Variants in EPHA6 observed in about 807,000 individuals in gnomAD.
EPHA6 encodes EPH receptor A6, also known as ephrin type-A receptor 6.
A neutral mutation model predicts 112.0 loss-of-function variants in EPHA6; 50 were observed. The observed-to-expected ratio is 0.45, with a 90% confidence interval of 0.36 to 0.56. The LOEUF (loss-of-function observed/expected upper bound fraction) is 0.56, where lower values mean the gene tolerates loss of function less well. Among genes scored for constraint, EPHA6 ranks in the 20% least tolerant of loss-of-function variants. The pLI is 0.00. For synonymous variants in EPHA6, 529 were observed against 490.7 expected, an observed-to-expected ratio of 1.08 and a Z score of -1.03; for missense variants, 1,280 against 1,417.4, an observed-to-expected ratio of 0.90 and a Z score of 1.56.
At chr3:97,393,916 A>G (rs1472197644) in intron 5 of EPHA6, among the ~76,000 whole-genome samples, 3 of 151,750 alleles carry the variant, frequency 2.0e-5, no homozygotes, top group Non-Finnish European at 4.4e-5. Flanking sequence ...TGTTATTTTT[A>G]TGGGTGAGTA....
At chr3:97,684,013 T>G (rs1006647396) in intron 14 of EPHA6, among the ~76,000 whole-genome samples, 11 of 152,144 alleles carry the variant, frequency 7.2e-5, no homozygotes, top group African/African-American at 2.7e-4. Flanking sequence ...ACTTAGGTGC[T>G]GCTTGAAAAG....
At chr3:97,243,721 T>G (rs1349166994) in intron 4 of EPHA6, among the ~76,000 whole-genome samples, 2 of 151,912 alleles carry the variant, frequency 1.3e-5, no homozygotes, top group East Asian at 3.9e-4. Context: ...TTATATTAAA[T>G]ATTGAAATTC....
intron 3 of EPHA6, among the ~76,000 whole-genome samples, chr3:97,032,211 A>G (rs2108020686): frequency 6.6e-6 from 1 of 152,078 alleles, no homozygotes; most frequent in African/African-American, 2.4e-5. Context: ...AAAACCAAAC[A>G]CCGCGTGTTC....
At chr3:96,852,349 A>G (rs1365757255) in intron 1 of EPHA6, among the ~76,000 whole-genome samples, 4 of 151,984 alleles carry the variant, frequency 2.6e-5, no homozygotes, top group Non-Finnish European at 4.4e-5. Context: ...GAATAACTTG[A>G]GCCCAGAAGG....
At chr3:97,317,409 A>G (rs1189167665) in intron 5 of EPHA6, among the ~76,000 whole-genome samples, 3 of 152,024 alleles carry the variant, frequency 2.0e-5, no homozygotes, top group African/African-American at 7.3e-5. Context: ...CTACAAAAAA[A>G]GTGTTTAATT....
chr3:97,177,930 G>T (rs80106825), intron 3 of EPHA6, among the ~76,000 whole-genome samples: 1 of 151,926 alleles, frequency 6.6e-6, no homozygotes, highest in African/African-American at 2.4e-5. Flanking sequence ...TGTTTGGAGA[G>T]TTTGGTCCAT....
Position 97,638,219 on chromosome 3 carries a change from G to C in EPHA6, c.2784+137G>C, listed in dbSNP as rs192264826. On this transcript the variant is annotated intron_variant, in intron 14 of 17. Coordinates refer to ENST00000389672, the MANE Select transcript of EPHA6 (RefSeq NM_001080448.3). ...GCTAATTTGATATCATTATTTAATTGAGAAGTATTTGCTTTGAGTGTCTAG... is the reference window on the plus strand; with the variant it reads ...GCTAATTTGATATCATTATTTAATTCAGAAGTATTTGCTTTGAGTGTCTAG... 334 of 667,038 alleles carry C rather than the reference G, an allele frequency of 5.0e-4. 1 individual carries two copies. The highest frequency in any genetic ancestry group is 6.8e-4 in the Non-Finnish European group (276 of 406,088). 41.3% of individuals were successfully genotyped at this position (667,038 alleles called of 1,614,324 possible).
chr3:97,356,769 T>C (rs536322086), intron 5 of EPHA6, among the ~76,000 whole-genome samples: 14 of 152,320 alleles, frequency 9.2e-5, no homozygotes, highest in African/African-American at 3.4e-4. Flanking sequence ...CAATTTTATA[T>C]GCTCCTGTTG....
chr3:97,448,862 A>C, intron 7 of EPHA6, 132 bp downstream of exon 7: 1 of 762,040 alleles, frequency 1.3e-6, no homozygotes, highest in Non-Finnish European at 2.2e-6. Context: ...GTAAATACTC[A>C]TACAGTCATT....
At position 97,357,941 on chromosome 3, in the gene EPHA6, AG is replaced by A. The variant is rs201960296; in HGVS notation, c.1607-47208del. The stretch of plus-strand genomic sequence containing the variant: ...TTGAGTAGGCTGAGGAGAAGAAAGA[AG>A]AGGGGATGGTCTTGCTGTCTTAGGC... On this transcript the variant is annotated intron_variant, in intron 5 of 17. Coordinates refer to ENST00000389672, the MANE Select transcript of EPHA6 (RefSeq NM_001080448.3). Among the ~76,000 whole-genome samples, 1,184 of 152,298 alleles carry A rather than the reference AG, an allele frequency of 7.8e-3. 13 individuals are homozygous for A. Among genetic ancestry groups the A allele is most frequent in the African/African-American group, 0.027 (1,130 of 41,564 alleles).
chr3:97,667,242 T>C (rs2030232123), intron 14 of EPHA6, among the ~76,000 whole-genome samples: 1 of 152,208 alleles, frequency 6.6e-6, no homozygotes, highest in South Asian at 2.1e-4. Flanking sequence ...CATATACAAA[T>C]TTATTTATAG....
intron 16 of EPHA6, among the ~76,000 whole-genome samples, chr3:97,736,552 T>A (rs1372704010): frequency 6.6e-6 from 1 of 151,346 alleles, no homozygotes; most frequent in Non-Finnish European, 1.5e-5. Context: ...GTTCTGTTCC[T>A]GAATTTGAAA....
chr3:96,837,046 C>T (rs955211071), intron 1 of EPHA6, among the ~76,000 whole-genome samples: 1 of 152,056 alleles, frequency 6.6e-6, no homozygotes, highest in African/African-American at 2.4e-5. Flanking sequence ...GTGAGGGCAT[C>T]TAGACTGAGT....
At chr3:97,516,114 C>T (rs952375702) in intron 10 of EPHA6, among the ~76,000 whole-genome samples, 1 of 152,112 alleles carries the variant, frequency 6.6e-6, no homozygotes, top group Non-Finnish European at 1.5e-5. Context: ...CTAAGACTCA[C>T]ATAGCTTTAC....
At chr3:97,423,181 A>G (rs1403998537) in intron 6 of EPHA6, among the ~76,000 whole-genome samples, 1 of 152,188 alleles carries the variant, frequency 6.6e-6, no homozygotes, top group African/African-American at 2.4e-5. Flanking sequence ...AAGAAATGAA[A>G]GGCATTCAAA....
At chr3:97,156,093 A>G (rs533634391) in intron 3 of EPHA6, among the ~76,000 whole-genome samples, 1 of 152,292 alleles carries the variant, frequency 6.6e-6, no homozygotes, top group South Asian at 2.1e-4. Context: ...TCATACCATA[A>G]TACAAATGTG....
rs946880369 is a variant in EPHA6 at position 97,232,720 on chromosome 3, G to C, written c.1270+6301G>C. On this transcript the variant is annotated intron_variant, in intron 4 of 17. Transcript: ENST00000389672. Reference sequence around the variant, plus strand: ...ACAAAAGAAAGTACACTTGGAAGAGGGCCAAGCAGGCACCTTGACAGTTCC... The same window carrying C: ...ACAAAAGAAAGTACACTTGGAAGAGCGCCAAGCAGGCACCTTGACAGTTCC... 3.9e-5 allele frequency among the ~76,000 whole-genome samples: 6 copies of C among 152,206 alleles called. No homozygotes were observed. In the East Asian group the frequency reaches 7.7e-4, roughly 20 times the overall value.
intron 2 of EPHA6, among the ~76,000 whole-genome samples, chr3:96,900,990 A>C (rs1258241404): frequency 6.6e-6 from 1 of 152,212 alleles, no homozygotes; most frequent in Non-Finnish European, 1.5e-5. Flanking sequence ...ACATATTGAA[A>C]CTAAACTTGA....
chr3:96,900,074 T>A (rs1234797101), intron 2 of EPHA6, among the ~76,000 whole-genome samples: 8 of 152,198 alleles, frequency 5.3e-5, no homozygotes, highest in Non-Finnish European at 8.8e-5. Flanking sequence ...AAGGTTGAAA[T>A]GGGAATTATT....
Sources: allele counts gnomAD v4.1 joint callset (sites outside exome capture counted in the v4.1 genomes callset), GRCh38; gene constraint gnomAD v4.1.1; transcripts MANE v1.5; gene names NCBI Gene and HGNC (gene_info 2026-07-23, HGNC 2026-07-21).